Variants in E2F3 observed in about 807,000 individuals in gnomAD.
E2F3 encodes E2F transcription factor 3.
In E2F3, 11 loss-of-function variants were observed where a neutral mutation model predicts 44.4. The observed-to-expected ratio is 0.25, with a 90% CI of 0.16 to 0.41. E2F3 has a LOEUF of 0.41. Ranked by LOEUF, E2F3 falls within the 10% of genes least tolerant of loss-of-function variation. E2F3 has a pLI of 1.00. For synonymous variants in E2F3, 249 were observed against 253.0 expected (o/e 0.98, Z 0.15); for missense variants, 487 against 583.6 (o/e 0.83, Z 1.70).
In E2F3 at chr6:20,402,215, A is replaced by G; in HGVS notation, c.-18A>G. 1 of 1,572,206 alleles carries G rather than the reference A, an allele frequency of 6.4e-7. No individual in the cohort carries two copies. Among genetic ancestry groups the G allele is most frequent in the Non-Finnish European group, 8.6e-7 (1 of 1,167,642 alleles). On this transcript the variant is annotated 5_prime_UTR_variant, in exon 1 of 7. Transcript: ENST00000346618. This position sits in a 1 kb window ranked among gnomAD's most constrained non-coding sequence, Gnocchi z 5.6. ...ATACATTAATATACCATAACACTAA[A>G]AAGAGCAGGAGCGAGAGATGAGAAA...
At position 20,431,041 on chromosome 6, in the gene E2F3, A is replaced by G. The variant is rs187156595; in HGVS notation, c.393+28416A>G. ...CTCTGTCTCAAGAAAAAGAAAAAAA[A>G]GAATTAGATTATCTTTGGAAAATAG... On this transcript the variant is annotated intron_variant, in intron 1 of 6. Coordinates refer to ENST00000346618, the MANE Select transcript of E2F3 (RefSeq NM_001949.5). Among the ~76,000 whole-genome samples, 4 of 152,326 alleles carry G rather than the reference A, an allele frequency of 2.6e-5. No homozygotes were observed. The East Asian group carries it at 5.8e-4, about 22-fold the overall frequency.
intron 1 of E2F3, among the ~76,000 whole-genome samples, chr6:20,448,682 G>A (rs543476313): frequency 1.3e-5 from 2 of 152,228 alleles, no homozygotes; most frequent in Middle Eastern, 6.8e-3. Context: ...TAGAGACGTG[G>A]GAGAAGAGTA....
chr6:20,479,745 G>A, intron 1 of E2F3, 101 bp from the exon 2 acceptor site: 1 of 929,144 alleles, frequency 1.1e-6, no homozygotes, highest in East Asian at 2.6e-5. Flanking sequence ...GGTGAGAGCT[G>A]GCATGAGCCT....
At chr6:20,450,492 T>C (rs1440085503) in intron 1 of E2F3, among the ~76,000 whole-genome samples, 1 of 152,200 alleles carries the variant, frequency 6.6e-6, no homozygotes, top group Non-Finnish European at 1.5e-5. Flanking sequence ...TTCTTGTAAA[T>C]TTGTTTAAGT....
intron 6 of E2F3, among the ~76,000 whole-genome samples, chr6:20,488,576 T>G (rs1762465202): frequency 6.6e-6 from 1 of 152,134 alleles, no homozygotes; most frequent in African/African-American, 2.4e-5. Flanking sequence ...CACCTTTGAA[T>G]CACACTGCAG....
chr6:20,444,146 G>T (rs948185935), intron 1 of E2F3, among the ~76,000 whole-genome samples: 4 of 152,130 alleles, frequency 2.6e-5, no homozygotes. Context: ...CTGTGTTTGT[G>T]CCTCTACACT....
At chr6:20,487,617 A>G (rs1389343845) in intron 5 of E2F3, among the ~76,000 whole-genome samples, 1 of 152,202 alleles carries the variant, frequency 6.6e-6, no homozygotes, top group Non-Finnish European at 1.5e-5. Flanking sequence ...CAGAAAAAGA[A>G]TATATCCAAA....
intron 1 of E2F3, among the ~76,000 whole-genome samples, chr6:20,422,265 C>T (rs1052043062): frequency 6.6e-6 from 1 of 152,240 alleles, no homozygotes; most frequent in Non-Finnish European, 1.5e-5. Flanking sequence ...CTTCCAACCT[C>T]TGCAGCTTCC....
rs921254818 is a variant in E2F3, at chr6:20,444,973, C to G, written c.394-34873C>G. On this transcript the variant is annotated intron_variant, in intron 1 of 6. Transcript: ENST00000346618. Reference sequence around the variant, plus strand: ...TGTTTATCTCTAGGCCTTGCACTGTCCCTGTCATATAATAGATGCTCAATA... The same window carrying G: ...TGTTTATCTCTAGGCCTTGCACTGTGCCTGTCATATAATAGATGCTCAATA... 4 of 613,202 alleles carry G rather than the reference C, an allele frequency of 6.5e-6. No homozygotes were observed. In the African/African-American group the frequency reaches 8.0e-5, roughly 12 times the overall value. 38.0% of individuals were successfully genotyped at this position (613,202 alleles called of 1,614,324 possible). A position where few individuals can be genotyped will look rare whatever the true frequency, so the allele number is the denominator to read the frequency against.
At chr6:20,403,755 C>T (rs951580510) in intron 1 of E2F3, 88 of 1,489,138 alleles carry the variant, frequency 5.9e-5, no homozygotes, top group Non-Finnish European at 7.1e-6. Context: ...CTGTTCGGCC[C>T]TCCGGGCCCC....
intron 1 of E2F3, among the ~76,000 whole-genome samples, chr6:20,408,281 A>G (rs1759556863): frequency 6.6e-6 from 1 of 152,238 alleles, no homozygotes; most frequent in South Asian, 2.1e-4. Context: ...GTTATACCAC[A>G]GAAGGTACTA....
At chr6:20,450,284 A>G (rs1761086292) in intron 1 of E2F3, among the ~76,000 whole-genome samples, 1 of 151,910 alleles carries the variant, frequency 6.6e-6, no homozygotes, top group South Asian at 2.1e-4. Flanking sequence ...ACCAGCATCT[A>G]TTGTTTTTTG....
At chr6:20,467,436 A>G (rs1184772826) in intron 1 of E2F3, among the ~76,000 whole-genome samples, 1 of 152,218 alleles carries the variant, frequency 6.6e-6, no homozygotes, top group African/African-American at 2.4e-5. Context: ...GCATTTTAGT[A>G]AAGCCTCCTC....
At chr6:20,437,328 G>C (rs541340697) in intron 1 of E2F3, among the ~76,000 whole-genome samples, 1 of 152,154 alleles carries the variant, frequency 6.6e-6, no homozygotes, top group Admixed American at 6.5e-5. Context: ...CCGGGGCAAG[G>C]CTATTATTCT....
intron 1 of E2F3, among the ~76,000 whole-genome samples, chr6:20,435,741 C>A (rs1356866234): frequency 1.3e-5 from 2 of 152,038 alleles, no homozygotes; most frequent in Non-Finnish European, 2.9e-5. Context: ...CAGAGGGAGA[C>A]TCCGTCTCAA....
intron 1 of E2F3, among the ~76,000 whole-genome samples, chr6:20,419,546 TTTATTTATTTAC>T (rs1382642119): frequency 1.3e-5 from 2 of 150,164 alleles, no homozygotes; most frequent in African/African-American, 4.8e-5. Flanking sequence ...TATTTATTTA[TTTATTTATTTAC>T]TTACTTACTT....
chr6:20,480,159 AG>A (rs1762174655), intron 2 of E2F3: 1 of 716,764 alleles, frequency 1.4e-6, no homozygotes, highest in African/African-American at 1.9e-5. Flanking sequence ...TGGTACCATA[AG>A]GGAAGACTTC....
chr6:20,408,063 G>A (rs150577851), intron 1 of E2F3, among the ~76,000 whole-genome samples: 77 of 152,310 alleles, frequency 5.1e-4, no homozygotes, highest in African/African-American at 1.8e-3. Context: ...ATTCTTGTTA[G>A]CAGTTTAAAA....
Position 20,402,438 on chromosome 6 carries a change from C to G in E2F3, c.206C>G (p.Ser69Cys). 6.2e-7 allele frequency: 1 copy of G among 1,611,588 alleles called. No homozygotes were observed. Among genetic ancestry groups the G allele is most frequent in the Non-Finnish European group, 8.5e-7 (1 of 1,179,480 alleles). ...QILTTNTSTT[S>C]CSSSLQSGAV... ...CTCACCACGAACACTTCCACCACCT[C>G]CTGTTCCTCCTCCCTCCAAAGCGGC... Residue 69 changes from serine (S) to cysteine (C), a missense_variant, in exon 1 of 7, where the codon TCC (serine) becomes TGC (cysteine). Around this residue, in one of 3 missense-constraint regions of E2F3, gnomAD observed 238 missense variants for 236.0 expected, o/e 1.01. Coordinates refer to ENST00000346618, the MANE Select transcript of E2F3 (RefSeq NM_001949.5). The surrounding 1 kb of genome is among the most constrained non-coding windows in gnomAD (Gnocchi z 5.6).
Sources: gnomAD v4.1 joint callset for allele counts (sites outside exome capture counted in the v4.1 genomes callset) on GRCh38, gnomAD v4.1.1 for gene constraint, gnomAD v4.1.1 regional missense constraint, Gnocchi (gnomAD v3.1) non-coding constraint, MANE v1.5 for transcripts, NCBI Gene and HGNC (gene_info 2026-07-23, HGNC 2026-07-21) for gene names.